SPATA31A6: variants seen among roughly 807,000 people sequenced by gnomAD.
SPATA31A6 encodes the protein spermatogenesis-associated protein 31A6.
In SPATA31A6, 9 loss-of-function variants were observed where a neutral mutation model predicts 11.9. The observed-to-expected ratio is 0.76, with a 90% CI of 0.46 to 1.32. SPATA31A6 has a LOEUF of 1.32. Among genes scored for constraint, SPATA31A6 ranks in the 40% most tolerant of loss-of-function variants. SPATA31A6 has a pLI of 0.00. For missense variants in SPATA31A6, 855 were observed against 1,467.3 expected (o/e 0.58, Z 6.82); for synonymous variants, 314 against 572.1 (o/e 0.55, Z 6.44).
In SPATA31A6 at chr9:42,183,750, C is replaced by T. The variant is rs1406751612; in HGVS notation, c.63C>T (p.Ser21=). ...LSASSLNAPS[S]TPWVLDIFLT... ...CCTCATCGCTAAACGCCCCCAGCTC[C>T]ACACCATGGGTGTTGGATATCTTCC... The change falls in exon 1 of 4, where the codon TCC becomes TCT. Residue 21 remains serine (S), a synonymous_variant. Coordinates refer to ENST00000332857, the MANE Select transcript of SPATA31A6 (RefSeq NM_001145196.1). 2.0e-6 allele frequency: 3 copies of T among 1,534,990 alleles called. No individual in the cohort carries two copies. Among genetic ancestry groups the T allele is most frequent in the Non-Finnish European group, 2.6e-6 (3 of 1,137,440 alleles).
At position 42,185,710 on chromosome 9, in the gene SPATA31A6, C is replaced by T. The variant is rs2491538; in HGVS notation, c.263C>T (p.Pro88Leu). The T allele has an allele frequency of 3.8e-3, 5,380 of 1,404,640 alleles. 899 individuals carry two copies. In the East Asian group the frequency reaches 0.038, roughly 10 times the overall value. 87.0% of individuals were successfully genotyped at this position (1,404,640 alleles called of 1,614,324 possible). Residue 88 changes from proline (P) to leucine (L), a missense_variant, in exon 3 of 4, where the codon CCG becomes CTG. Pro to Leu is a moderately conservative substitution (Grantham distance 98). Transcript: ENST00000332857. The stretch of plus-strand genomic sequence containing the variant: ...TGATTTCCAGCTGGTAGAGAGTGCC[C>T]GAGAGGCCTGGAGGAGACTTCGGAC... ...NHSLRAGRECPRGLEETSDLL... is the reference protein window; with the variant it reads ...NHSLRAGRECLRGLEETSDLL...
chr9:42,188,941 T>G lies in SPATA31A6; in HGVS notation c.3239T>G (p.Val1080Gly). 2 of 1,541,374 alleles carry G rather than the reference T, an allele frequency of 1.3e-6. No homozygotes were observed. The highest frequency in any genetic ancestry group is 1.2e-5 in the South Asian group (1 of 86,872). ...DLMAARRSKLVQEEPRNPNCQ... is the reference protein window; with the variant it reads ...DLMAARRSKLGQEEPRNPNCQ... ...ATGGCAGCCAGAAGGAGCAAACTGG[T>G]GCAAGAGGAGCCCAGAAACCCAAAC... The change falls in exon 4 of 4, where the codon GTG (valine) becomes GGG (glycine). Residue 1080 changes from valine (V) to glycine (G), a missense_variant. Physicochemically the swap from Val to Gly is moderately radical, Grantham distance 109. Transcript: ENST00000332857.
In SPATA31A6 at chr9:42,183,826, T is replaced by C. The variant is rs1217812238; in HGVS notation, c.139T>C (p.Ser47Pro). The C allele has an allele frequency of 1.3e-6, 2 of 1,533,356 alleles. No individual in the cohort carries two copies. The highest frequency in any genetic ancestry group is 2.4e-5 in the East Asian group (1 of 41,730). 95.0% of individuals were successfully genotyped at this position (1,533,356 alleles called of 1,614,324 possible). The change falls in exon 1 of 4, where the codon TCT (serine) becomes CCT (proline). Residue 47 changes from serine (S) to proline (P), a missense_variant. Ser to Pro is a moderately conservative substitution (Grantham distance 74). Coordinates refer to ENST00000332857, the MANE Select transcript of SPATA31A6 (RefSeq NM_001145196.1). The part of the protein sequence containing the change: ...GFFFLLLPYL[S>P]YFHCDDPPSP... ...CTTCTTCCTATTACTCCCCTACTTATCTTACTTCCATTGTGATGACCCACC... is the reference window on the plus strand; with the variant it reads ...CTTCTTCCTATTACTCCCCTACTTACCTTACTTCCATTGTGATGACCCACC...
Position 42,186,611 on chromosome 9 carries a change from C to A in SPATA31A6, c.909C>A (p.Ser303=), listed in dbSNP as rs758344427. The part of the protein sequence containing the change: ...FNSSVQQDPL[S]RHPPETCQME... ...CATCAGTCCAGCAAGATCCTCTTTC[C>A]CGCCACCCACCAGAGACCTGTCAGA... The change falls in exon 4 of 4, where the codon TCC becomes TCA. Residue 303 remains serine (S), a synonymous_variant. Transcript: ENST00000332857. 446 of 1,532,480 alleles carry A rather than the reference C, an allele frequency of 2.9e-4. 69 individuals carry two copies. The highest frequency in any genetic ancestry group is 3.8e-4 in the Non-Finnish European group (427 of 1,137,156). 94.9% of individuals were successfully genotyped at this position (1,532,480 alleles called of 1,614,324 possible).
chr9:42,184,963 G>A, intron 1 of SPATA31A6, 106 bp from the exon 2 acceptor site: 2 of 1,387,494 alleles, frequency 1.4e-6, no homozygotes, highest in Non-Finnish European at 2.0e-6. Context: ...CGGCTGGGCT[G>A]GAGCAGAGAG....
chr9:42,187,691 G>A lies in SPATA31A6; in HGVS notation c.1989G>A (p.Leu663=), dbSNP rs1428440820. The A allele has an allele frequency of 2.6e-6, 4 of 1,521,016 alleles. No individual in the cohort carries two copies. The highest frequency in any genetic ancestry group is 1.2e-5 in the South Asian group (1 of 85,728). The allele number at this position is 1,521,016 out of a possible 1,614,324, so 94.2% of individuals were successfully genotyped here. Residue 663 remains leucine, a synonymous_variant, in exon 4 of 4, where the codon CTG becomes CTA. Transcript: ENST00000332857. The part of the protein sequence containing the change: ...QKVKFQLERD[L]CPHLGQILGE... ...TGAAGTTCCAGCTAGAGAGGGACCT[G>A]TGCCCACATCTGGGGCAAATTCTGG...
rs1829437261 is a variant in SPATA31A6 at position 42,185,891 on chromosome 9, G to T, written c.309-120G>T. On this transcript the variant is annotated intron_variant, in intron 3 of 3. Transcript: ENST00000332857. Reference sequence around the variant, plus strand: ...TGGGAGTAAAACCCTGGGGCGAGGGGTAGCAGGAGAATTGGGCAATCAGGG... The same window carrying T: ...TGGGAGTAAAACCCTGGGGCGAGGGTTAGCAGGAGAATTGGGCAATCAGGG... The T allele has an allele frequency of 4.1e-6, 6 of 1,474,682 alleles. 1 individual carries two copies. The highest frequency in any genetic ancestry group is 2.6e-5 in the East Asian group (1 of 38,840). 91.3% of individuals were successfully genotyped at this position (1,474,682 alleles called of 1,614,324 possible).
Position 42,187,132 on chromosome 9 carries a change from C to A in SPATA31A6, c.1430C>A (p.Pro477His), listed in dbSNP as rs761081246. Residue 477 changes from proline (P) to histidine (H), a missense_variant, in exon 4 of 4, where the codon CCC becomes CAC. Transcript: ENST00000332857. ...GCCCAGCCCCTGTCCCACCGCCAAC[C>A]CTTTATTTCATCCACACCCCAATTC... Reference protein sequence around the residue: ...FQAQPLSHRQPFISSTPQFLP... With the variant: ...FQAQPLSHRQHFISSTPQFLP... 20 of 1,542,356 alleles carry A rather than the reference C, an allele frequency of 1.3e-5. 2 individuals carry two copies. The highest frequency in any genetic ancestry group is 2.3e-5 in the South Asian group (2 of 86,382).
rs1332591019 is a variant in SPATA31A6, at chr9:42,186,253, C to A, written c.551C>A (p.Ser184Tyr). 1.7e-5 allele frequency: 13 copies of A among 778,138 alleles called. No individual in the cohort carries two copies. The South Asian group carries it at 2.5e-4, about 15-fold the overall frequency. 48.2% of individuals were successfully genotyped at this position (778,138 alleles called of 1,614,324 possible). A position where few individuals can be genotyped will look rare whatever the true frequency, so the allele number is the denominator to read the frequency against. The change falls in exon 4 of 4, where the codon TCC becomes TAC. Residue 184 changes from serine to tyrosine, a missense_variant. Coordinates refer to ENST00000332857, the MANE Select transcript of SPATA31A6 (RefSeq NM_001145196.1). Reference sequence around the variant, plus strand: ...ACCTCAGTCTCCTCCCTAAGTGCCTCCCAGCCACCAGAACCTTCCCTTCCC... The same window carrying A: ...ACCTCAGTCTCCTCCCTAAGTGCCTACCAGCCACCAGAACCTTCCCTTCCC... ...MTTSVSSLSA[S>Y]QPPEPSLPLE...
In SPATA31A6 at chr9:42,183,885, C is replaced by A. The variant is rs1343389887; in HGVS notation, c.189+9C>A. The A allele has an allele frequency of 6.5e-6, 10 of 1,529,238 alleles. 1 individual carries two copies. Among genetic ancestry groups the A allele is most frequent in the East Asian group, 2.4e-5 (1 of 41,664 alleles). The allele number at this position is 1,529,238 out of a possible 1,614,324, so 94.7% of individuals were successfully genotyped here. Reference sequence around the variant, plus strand: ...CGCCTGGGAAGAGAAAGGTAAGGAACCCTCAGTCCCGACCCACAGAGCTTG... The same window carrying A: ...CGCCTGGGAAGAGAAAGGTAAGGAAACCTCAGTCCCGACCCACAGAGCTTG... On this transcript the variant is annotated intron_variant, in intron 1 of 3. Coordinates refer to ENST00000332857, the MANE Select transcript of SPATA31A6 (RefSeq NM_001145196.1).
Position 42,186,689 on chromosome 9 carries a change from G to A in SPATA31A6, c.987G>A (p.Gly329=), listed in dbSNP as rs752333782. 1.3e-5 allele frequency: 20 copies of A among 1,531,270 alleles called. 3 individuals carry two copies. The highest frequency in any genetic ancestry group is 1.7e-5 in the Non-Finnish European group (19 of 1,139,502). The allele number at this position is 1,531,270 out of a possible 1,614,324, so 94.9% of individuals were successfully genotyped here. The change falls in exon 4 of 4, where the codon GGG becomes GGA. Residue 329 remains glycine (G), a synonymous_variant. Coordinates refer to ENST00000332857, the MANE Select transcript of SPATA31A6 (RefSeq NM_001145196.1). ...LLSSDGQNVV[G]IQVTETAKVN... The stretch of plus-strand genomic sequence containing the variant: ...GCTCTGATGGCCAGAATGTCGTGGG[G>A]ATACAAGTCACAGAAACAGCCAAGG...
rs147007691 is a variant in SPATA31A6 at position 42,187,113 on chromosome 9, C to A, written c.1411C>A (p.Pro471Thr). The A allele has an allele frequency of 3.0e-3, 4,624 of 1,540,008 alleles. 886 individuals carry two copies. The Admixed American group carries it at 0.077, about 26-fold the overall frequency. ...TMSPLLFQAQ[P>T]LSHRQPFISS... Reference sequence around the variant, plus strand: ...GTCCCCACTGCTTTTCCAGGCCCAGCCCCTGTCCCACCGCCAACCCTTTAT... The same window carrying A: ...GTCCCCACTGCTTTTCCAGGCCCAGACCCTGTCCCACCGCCAACCCTTTAT... Residue 471 changes from proline (P) to threonine (T), a missense_variant, in exon 4 of 4, where the codon CCC (proline) becomes ACC (threonine). By Grantham distance (38) the Pro-to-Thr change is conservative. Coordinates refer to ENST00000332857, the MANE Select transcript of SPATA31A6 (RefSeq NM_001145196.1).
Position 42,189,028 on chromosome 9 carries a change from C to A in SPATA31A6, c.3326C>A (p.Ser1109Tyr). The change falls in exon 4 of 4, where the codon TCT becomes TAT. Residue 1109 changes from serine to tyrosine, a missense_variant. Physicochemically the swap from Ser to Tyr is moderately radical, Grantham distance 144. Transcript: ENST00000332857. Reference sequence around the variant, plus strand: ...CCCCCTATTCACAAGAGTGAGAAGTCTAGGAAGCCCAACTTAGAAAAACAT... The same window carrying A: ...CCCCCTATTCACAAGAGTGAGAAGTATAGGAAGCCCAACTTAGAAAAACAT... ...MFPPIHKSEK[S>Y]RKPNLEKHEE... 6.4e-7 allele frequency: 1 copy of A among 1,550,452 alleles called. No individual in the cohort carries two copies. The highest frequency in any genetic ancestry group is 2.4e-5 in the East Asian group (1 of 41,844).
In SPATA31A6 at chr9:42,183,896, G is replaced by A. The variant is rs2259502; in HGVS notation, c.189+20G>A. The A allele has an allele frequency of 4.7e-3, 7,152 of 1,519,810 alleles. 1,300 individuals are homozygous for A. The East Asian group carries it at 0.048, about 10-fold the overall frequency. 94.1% of individuals were successfully genotyped at this position (1,519,810 alleles called of 1,614,324 possible). ...AGAAAGGTAAGGAACCCTCAGTCCC[G>A]ACCCACAGAGCTTGATTCTCTCCTT... On this transcript the variant is annotated intron_variant, in intron 1 of 3. Transcript: ENST00000332857.
chr9:42,187,064 C>A lies in SPATA31A6; in HGVS notation c.1362C>A (p.Cys454Ter), dbSNP rs762530350. 11 of 1,546,088 alleles carry A rather than the reference C, an allele frequency of 7.1e-6. 1 individual carries two copies. The highest frequency in any genetic ancestry group is 9.6e-6 in the Non-Finnish European group (11 of 1,140,560). Residue 454 changes from cysteine to a stop codon, truncating the protein, a stop_gained, in exon 4 of 4, where the codon TGC becomes TGA. Coordinates refer to ENST00000332857, the MANE Select transcript of SPATA31A6 (RefSeq NM_001145196.1). LOFTEE classifies it low-confidence loss of function (END_TRUNC). ...TGTTCAATGAAATGTCCAATGTCTG[C>A]CCAATTCAAAGGGAGACTACAATGT... Reference protein sequence around the residue: ...PFLFNEMSNVCPIQRETTMSP... With the variant: ...PFLFNEMSNV
In SPATA31A6 at chr9:42,185,455, C is replaced by T. The variant is rs1829428821; in HGVS notation, c.248-240C>T. 4.4e-6 allele frequency: 3 copies of T among 681,240 alleles called. 1 individual carries two copies. Among genetic ancestry groups the T allele is most frequent in the Non-Finnish European group, 7.3e-6 (3 of 408,376 alleles). 42.2% of individuals were successfully genotyped at this position (681,240 alleles called of 1,614,324 possible). ...TTGAGACCACCTCAGTCCTTTCTCC[C>T]CACAGGGCAGTTGTGAGGACTGTGG... On this transcript the variant is annotated intron_variant, in intron 2 of 3. Coordinates refer to ENST00000332857, the MANE Select transcript of SPATA31A6 (RefSeq NM_001145196.1).
Position 42,187,243 on chromosome 9 carries a change from T to C in SPATA31A6, c.1541T>C (p.Ile514Thr), listed in dbSNP as rs1829475490. ...PVLSPAFPSLIKNTGVACPAS... is the reference protein window; with the variant it reads ...PVLSPAFPSLTKNTGVACPAS... ...CTATCTCCTGCTTTTCCATCCCTGATTAAGAACACTGGAGTAGCTTGCCCT... is the reference window on the plus strand; with the variant it reads ...CTATCTCCTGCTTTTCCATCCCTGACTAAGAACACTGGAGTAGCTTGCCCT... The change falls in exon 4 of 4, where the codon ATT (isoleucine) becomes ACT (threonine). Residue 514 changes from isoleucine (I) to threonine (T), a missense_variant. By Grantham distance (89) the Ile-to-Thr change is moderately conservative (BLOSUM62 -1). Transcript: ENST00000332857. 3 of 1,542,882 alleles carry C rather than the reference T, an allele frequency of 1.9e-6. No individual in the cohort carries two copies. The East Asian group carries it at 7.2e-5, about 37-fold the overall frequency.
Position 42,189,237 on chromosome 9 carries a change from G to A in SPATA31A6, c.3535G>A (p.Ala1179Thr). The A allele has an allele frequency of 1.4e-5, 21 of 1,549,402 alleles. 2 individuals carry two copies. The highest frequency in any genetic ancestry group is 6.8e-5 in the South Asian group (6 of 87,608). Residue 1179 changes from alanine to threonine, a missense_variant, in exon 4 of 4, where the codon GCA becomes ACA. Ala to Thr is a moderately conservative substitution (Grantham distance 58). Coordinates refer to ENST00000332857, the MANE Select transcript of SPATA31A6 (RefSeq NM_001145196.1). ...TTTTTCAAAGAAAAAAAGCAAGCCA[G>A]CACCAGTCACTGCTGAGAGCCAAAA... ...WIFSKKKSKP[A>T]PVTAESQKTV...
rs199992322 is a variant in SPATA31A6, at chr9:42,189,270, A to G, written c.3568A>G (p.Lys1190Glu). ...CACTGCTGAGAGCCAAAAAACAGTA[A>G]AAAACAGATCATGTGTGTACAGCAG... ...PVTAESQKTV[K>E]NRSCVYSSSA... The change falls in exon 4 of 4, where the codon AAA (lysine) becomes GAA (glutamate). Residue 1190 changes from lysine to glutamate, a missense_variant. Transcript: ENST00000332857. 1.2e-3 allele frequency: 1,841 copies of G among 1,562,404 alleles called. 275 individuals are homozygous for G. Among genetic ancestry groups the G allele is most frequent in the African/African-American group, 0.011 (703 of 65,772 alleles).
Sources: allele counts gnomAD v4.1 joint callset, GRCh38; gene constraint gnomAD v4.1.1; transcripts MANE v1.5; gene names NCBI Gene and HGNC (gene_info 2026-07-23, HGNC 2026-07-21).